The following SLC43A2 variants were observed in gnomAD, a reference collection of about 807,000 sequenced individuals.
SLC43A2 encodes large neutral amino acids transporter small subunit 4.
A neutral mutation model predicts 63.2 loss-of-function variants in SLC43A2; 38 were observed. That is an observed-to-expected ratio of 0.60 (90% CI 0.46 to 0.79). SLC43A2 has a LOEUF of 0.79. Among genes scored for constraint, SLC43A2 ranks in the 30% least tolerant of loss-of-function variants. SLC43A2 has a pLI of 0.00. For missense variants in SLC43A2, 644 were observed against 756.2 expected (o/e 0.85, Z 1.74); for synonymous variants, 322 against 331.0 (o/e 0.97, Z 0.30).
chr17:1,590,291 T>C (rs1344669363), intron 9 of SLC43A2, among the ~76,000 whole-genome samples: 2 of 151,428 alleles, frequency 1.3e-5, no homozygotes, highest in African/African-American at 4.9e-5. Context: ...CCTCAACTGT[T>C]CGCAAGCTCC....
At chr17:1,614,125 C>T (rs1240119806) in intron 4 of SLC43A2, among the ~76,000 whole-genome samples, 11 of 152,102 alleles carry the variant, frequency 7.2e-5, no homozygotes, top group Non-Finnish European at 1.5e-4. Flanking sequence ...TGCCCGTGGT[C>T]CCAACTACAC....
In SLC43A2 at chr17:1,583,121, G is replaced by C; in HGVS notation, c.1350+83C>G. The stretch of plus-strand genomic sequence containing the variant: ...CATCCGCTTTGTTGATGGCTTCCAT[G>C]AAACATTACACACTTTTGAGTCTTT... On this transcript the variant is annotated intron_variant, in intron 11 of 13. Coordinates refer to ENST00000301335, the MANE Select transcript of SLC43A2 (RefSeq NM_152346.3). This position sits in a 1 kb window ranked among gnomAD's most constrained non-coding sequence, Gnocchi z 5.5. 2 of 1,438,232 alleles carry C rather than the reference G, an allele frequency of 1.4e-6. No individual in the cohort carries two copies. The highest frequency in any genetic ancestry group is 1.9e-6 in the Non-Finnish European group (2 of 1,041,034). 89.1% of individuals were successfully genotyped at this position (1,438,232 alleles called of 1,614,324 possible).
chr17:1,614,452 C>T (rs1907409440), intron 4 of SLC43A2, among the ~76,000 whole-genome samples: 1 of 81,728 alleles, frequency 1.2e-5, no homozygotes, highest in East Asian at 3.8e-4. Context: ...AAAAAACAAA[C>T]AGCAGCGAGC....
Position 1,575,563 on chromosome 17 carries a change from T to A in SLC43A2, c.*41A>T. On this transcript the variant is annotated 3_prime_UTR_variant, in exon 14 of 14. Coordinates refer to ENST00000301335, the MANE Select transcript of SLC43A2 (RefSeq NM_152346.3). ...GAGGGGCAGGACAGGGGTCAGTCACTGAAGCACAGGCAGGAGACCGCAGTT... is the reference window on the plus strand; with the variant it reads ...GAGGGGCAGGACAGGGGTCAGTCACAGAAGCACAGGCAGGAGACCGCAGTT... The A allele has an allele frequency of 6.2e-7, 1 of 1,613,710 alleles. No individual in the cohort carries two copies.
In SLC43A2 at chr17:1,605,260, G is replaced by A. The variant is rs376904843; in HGVS notation, c.501+7935C>T. ...TCTCTCTTTCAGCCCCCTGGCTGCA[G>A]CATAAACAGGCCGGACTGTGTGACC... is the stretch of plus-strand genomic sequence containing the variant. On this transcript the variant is annotated intron_variant, in intron 5 of 13. Transcript: ENST00000301335. The surrounding 1 kb of genome is among the most constrained non-coding windows in gnomAD (Gnocchi z 4.9). 1.2e-4 allele frequency: 126 copies of A among 1,072,584 alleles called. No homozygotes were observed. In the African/African-American group the frequency reaches 1.9e-3, roughly 16 times the overall value. 66.4% of individuals were successfully genotyped at this position (1,072,584 alleles called of 1,614,324 possible).
chr17:1,593,255 G>T lies in SLC43A2; in HGVS notation c.526C>A (p.Arg176=), dbSNP rs112277856. Residue 176 remains arginine, a synonymous_variant, in exon 6 of 14, where the codon CGG becomes AGG. Transcript: ENST00000301335. This position sits in a 1 kb window ranked among gnomAD's most constrained non-coding sequence, Gnocchi z 5.3. ...LTLPNMFGDL[R]STFIALMIGS... ...ATCATCAAGGCAATAAACGTGGACCGAAGGTCGCCGAACATGTTGGGCAGC... is the reference window on the plus strand; with the variant it reads ...ATCATCAAGGCAATAAACGTGGACCTAAGGTCGCCGAACATGTTGGGCAGC... The T allele has an allele frequency of 6.2e-7, 1 of 1,613,940 alleles. No homozygotes were observed. Among genetic ancestry groups the T allele is most frequent in the Non-Finnish European group, 8.5e-7 (1 of 1,179,956 alleles).
Position 1,576,639 on chromosome 17 carries a change from C to A in SLC43A2, c.1506G>T (p.Leu502=), listed in dbSNP as rs775450867. ...GGAGAGGACCCATCATGGCCAGAAA[C>A]AGCGGCTGCTGCAGAAGGGCGAAGA... ...SALFALLQQP[L]FLAMMGPLQG... Residue 502 remains leucine (L), a synonymous_variant, in exon 13 of 14, where the codon CTG becomes CTT. Coordinates refer to ENST00000301335, the MANE Select transcript of SLC43A2 (RefSeq NM_152346.3). The A allele has an allele frequency of 2.5e-6, 4 of 1,610,610 alleles. No homozygotes were observed. Among genetic ancestry groups the A allele is most frequent in the Non-Finnish European group, 3.4e-6 (4 of 1,179,978 alleles).
At chr17:1,613,329 G>A (rs1245728009) in intron 4 of SLC43A2, 58 bp from the exon 5 acceptor site, 2 of 1,548,344 alleles carry the variant, frequency 1.3e-6, no homozygotes, top group Non-Finnish European at 1.8e-6. Flanking sequence ...AGGGAAGCCG[G>A]GACCAGCCCA....
Position 1,570,651 on chromosome 17 carries a change from T to A in SLC43A2, c.*4953A>T, listed in dbSNP as rs1401022744. 2.0e-5 allele frequency: 3 copies of A among 150,678 alleles called. No individual in the cohort carries two copies. The highest frequency in any genetic ancestry group is 4.4e-5 in the Non-Finnish European group (3 of 67,688). 9.3% of individuals were successfully genotyped at this position (150,678 alleles called of 1,614,324 possible). A position where few individuals can be genotyped will look rare whatever the true frequency, so the allele number is the denominator to read the frequency against. ...ACAGGCGCCCGCCACTACGCCCGGC[T>A]AATTTTTTGTATTTTTAGTAGAGAC... On this transcript the variant is annotated 3_prime_UTR_variant, in exon 14 of 14. Coordinates refer to ENST00000301335, the MANE Select transcript of SLC43A2 (RefSeq NM_152346.3).
At chr17:1,629,686 C>T (rs1909005730), upstream of SLC43A2, among the ~76,000 whole-genome samples, 1 of 152,238 alleles carries the variant, frequency 6.6e-6, no homozygotes, top group East Asian at 1.9e-4. Flanking sequence ...TCCCTGCCCG[C>T]GCTGGCCACC....
At chr17:1,586,928 T>TGCCCCCCCCCCCCC in intron 9 of SLC43A2, 2 of 1,232,906 alleles carry the variant, frequency 1.6e-6, no homozygotes, top group Non-Finnish European at 2.2e-6. Context: ...TCCCTGACAA[T>TGCCCCCCCCCCCCC]CCCCCCCACC....
At chr17:1,615,748 C>T (rs1907580004) in intron 3 of SLC43A2, among the ~76,000 whole-genome samples, 1 of 148,754 alleles carries the variant, frequency 6.7e-6, no homozygotes. Flanking sequence ...GAGGCTGAGG[C>T]AGGAGAATAG....
chr17:1,596,149 T>C (rs965130521), intron 5 of SLC43A2, among the ~76,000 whole-genome samples: 7 of 151,690 alleles, frequency 4.6e-5, no homozygotes, highest in African/African-American at 1.7e-4. Flanking sequence ...GGAAACCCTA[T>C]CTCTACTAAA....
At chr17:1,613,759 C>T (rs894939641) in intron 4 of SLC43A2, among the ~76,000 whole-genome samples, 6 of 152,128 alleles carry the variant, frequency 3.9e-5, no homozygotes, top group South Asian at 2.1e-4. Flanking sequence ...TTTCACAAAG[C>T]GTGGGCTCTT....
chr17:1,603,165 GCATAGC>G (rs1162857902), intron 5 of SLC43A2: 1 of 152,152 alleles, frequency 6.6e-6, no homozygotes, highest in African/African-American at 2.4e-5. Flanking sequence ...CTGCTCCTGG[GCATAGC>G]CAACGAGGGA....
chr17:1,579,837 CA>C (rs960854008), intron 11 of SLC43A2, among the ~76,000 whole-genome samples: 6 of 147,168 alleles, frequency 4.1e-5, no homozygotes, highest in Admixed American at 6.8e-5. Flanking sequence ...GACCCTGTCT[CA>C]AAAAAAAACA....
intron 9 of SLC43A2, among the ~76,000 whole-genome samples, chr17:1,589,279 G>A (rs1161348763): frequency 6.6e-6 from 1 of 152,202 alleles, no homozygotes; most frequent in South Asian, 2.1e-4. Flanking sequence ...AGCTCTCTCT[G>A]CACACTTTGG....
intron 5 of SLC43A2, among the ~76,000 whole-genome samples, chr17:1,597,937 G>C (rs1323788167): frequency 6.6e-6 from 1 of 152,252 alleles, no homozygotes; most frequent in South Asian, 2.1e-4. Flanking sequence ...CTGCCTCCCA[G>C]GTAGGTTGCA....
chr17:1,583,454 C>G lies in SLC43A2; in HGVS notation c.1218-118G>C. The G allele has an allele frequency of 1.3e-6, 2 of 1,522,042 alleles. No individual in the cohort carries two copies. Among genetic ancestry groups the G allele is most frequent in the Non-Finnish European group, 8.8e-7 (1 of 1,134,384 alleles). The allele number at this position is 1,522,042 out of a possible 1,614,324, so 94.3% of individuals were successfully genotyped here. A position where few individuals can be genotyped will look rare whatever the true frequency, so the allele number is the denominator to read the frequency against. ...AACTGACGCAAGACTCAGAAGCCAC[C>G]CAGGCACGTTTTAGGGACTGTGTCG... On this transcript the variant is annotated intron_variant, in intron 10 of 13. Coordinates refer to ENST00000301335, the MANE Select transcript of SLC43A2 (RefSeq NM_152346.3). This position sits in a 1 kb window ranked among gnomAD's most constrained non-coding sequence, Gnocchi z 5.5.
Sources: gnomAD v4.1 joint callset for allele counts (sites outside exome capture counted in the v4.1 genomes callset) on GRCh38, gnomAD v4.1.1 for gene constraint, Gnocchi (gnomAD v3.1) non-coding constraint, MANE v1.5 for transcripts, NCBI Gene and HGNC (gene_info 2026-07-23, HGNC 2026-07-21) for gene names.